The following CACNA2D3 variants were observed in gnomAD, a reference collection of about 807,000 sequenced individuals.
CACNA2D3 encodes calcium voltage-gated channel auxiliary subunit alpha2delta 3.
Under a neutral mutation model 160.6 loss-of-function variants are expected in CACNA2D3, and 60 were observed. The ratio of observed to expected loss-of-function variants is 0.37; its 90% CI spans 0.30 to 0.46. CACNA2D3 has a LOEUF of 0.46. CACNA2D3 is among the 20% of genes least tolerant of loss of function. CACNA2D3 has a pLI of 1.00. For missense variants in CACNA2D3, 1,205 were observed against 1,365.0 expected, an observed-to-expected ratio of 0.88 and a Z score of 1.85; for synonymous variants, 558 against 492.9, an observed-to-expected ratio of 1.13 and a Z score of -1.75.
At chr3:54,318,620 A>T (rs574840601) in intron 2 of CACNA2D3, among the ~76,000 whole-genome samples, 1 of 151,598 alleles carries the variant, frequency 6.6e-6, no homozygotes, top group Non-Finnish European at 1.5e-5. Context: ...CACTTCCCCT[A>T]TGCCAGTGAA....
chr3:54,608,463 T>C (rs901582269), intron 9 of CACNA2D3, among the ~76,000 whole-genome samples: 1 of 152,210 alleles, frequency 6.6e-6, no homozygotes, highest in African/African-American at 2.4e-5. Flanking sequence ...TTTTGCCCAT[T>C]TTATGGAGGA....
At chr3:54,972,598 G>A (rs575930860) in intron 29 of CACNA2D3, among the ~76,000 whole-genome samples, 39 of 152,172 alleles carry the variant, frequency 2.6e-4, no homozygotes, top group Middle Eastern at 6.8e-3. Context: ...CAACTCCCTC[G>A]GGCTTATCAG....
intron 13 of CACNA2D3, among the ~76,000 whole-genome samples, chr3:54,785,071 C>T (rs60023062): frequency 0.081 from 12,262 of 152,196 alleles, 647 homozygotes; most frequent in East Asian, 0.14. Context: ...TGCACAGCTG[C>T]AAACACCATC....
At chr3:54,331,104 A>T (rs1482152552) in intron 3 of CACNA2D3, among the ~76,000 whole-genome samples, 1 of 152,144 alleles carries the variant, frequency 6.6e-6, no homozygotes, top group East Asian at 1.9e-4. Context: ...ATCACATCAG[A>T]ATTGTAAACC....
chr3:54,498,314 A>T (rs1701236116), intron 4 of CACNA2D3, among the ~76,000 whole-genome samples: 1 of 151,794 alleles, frequency 6.6e-6, no homozygotes, highest in South Asian at 2.1e-4. Flanking sequence ...CCATTTTGAT[A>T]ATTTCTGTTT....
intron 4 of CACNA2D3, among the ~76,000 whole-genome samples, chr3:54,424,128 TCA>T (rs1699879293): frequency 6.6e-6 from 1 of 152,170 alleles, no homozygotes; most frequent in Non-Finnish European, 1.5e-5. Flanking sequence ...AGACAGGGTC[TCA>T]CTTTGTTGCC....
chr3:54,569,680 CT>C, intron 6 of CACNA2D3, 114 bp from the exon 7 acceptor site: 1 of 847,178 alleles, frequency 1.2e-6, no homozygotes. Flanking sequence ...TGGGGTTGGT[CT>C]TTGCATGTGA....
intron 32 of CACNA2D3, among the ~76,000 whole-genome samples, 173 bp from the exon 33 acceptor site, chr3:55,007,617 G>A (rs1412413388): frequency 1.3e-5 from 2 of 152,130 alleles, no homozygotes; most frequent in African/African-American, 4.8e-5. Flanking sequence ...TAAAATGTTT[G>A]TTTTAGGATA....
At chr3:55,033,598 A>G (rs1356270936) in intron 35 of CACNA2D3, among the ~76,000 whole-genome samples, 1 of 143,446 alleles carries the variant, frequency 7.0e-6, no homozygotes, top group Non-Finnish European at 1.5e-5. Flanking sequence ...ATATATATAT[A>G]TATATATATC....
At chr3:54,387,405 A>G (rs940490747) in intron 4 of CACNA2D3, among the ~76,000 whole-genome samples, 8 of 152,162 alleles carry the variant, frequency 5.3e-5, no homozygotes, top group Non-Finnish European at 1.0e-4. Flanking sequence ...TAATCCTAGC[A>G]CTTTGGGAGA....
At chr3:54,432,905 C>T (rs1452373714) in intron 4 of CACNA2D3, among the ~76,000 whole-genome samples, 2 of 151,848 alleles carry the variant, frequency 1.3e-5, no homozygotes, top group Non-Finnish European at 2.9e-5. Context: ...ATGACTGGGT[C>T]TTGGTTTGAT....
At chr3:54,440,660 T>C (rs917868476) in intron 4 of CACNA2D3, among the ~76,000 whole-genome samples, 1 of 152,060 alleles carries the variant, frequency 6.6e-6, no homozygotes, top group South Asian at 2.1e-4. Context: ...CAACAGGCCC[T>C]GGTGTGCGAT....
intron 17 of CACNA2D3, among the ~76,000 whole-genome samples, chr3:54,854,007 G>A (rs1038975121): frequency 3.9e-5 from 6 of 152,108 alleles, no homozygotes; most frequent in African/African-American, 1.4e-4. Flanking sequence ...AGTAGGTGGC[G>A]CGCGGGCACC....
At chr3:54,838,951 G>C (rs967862349) in intron 16 of CACNA2D3, among the ~76,000 whole-genome samples, 1 of 152,062 alleles carries the variant, frequency 6.6e-6, no homozygotes, top group Non-Finnish European at 1.5e-5. Flanking sequence ...AACATGACTG[G>C]TTTGCCTTTT....
At chr3:54,748,396 GT>G (rs1162771441) in intron 11 of CACNA2D3, among the ~76,000 whole-genome samples, 1 of 152,156 alleles carries the variant, frequency 6.6e-6, no homozygotes, top group Non-Finnish European at 1.5e-5. Context: ...ATCTGGATGA[GT>G]TTTTTGTTTG....
intron 4 of CACNA2D3, among the ~76,000 whole-genome samples, chr3:54,483,637 A>C (rs1456984680): frequency 5.3e-5 from 8 of 152,222 alleles, no homozygotes; most frequent in African/African-American, 1.9e-4. Context: ...TTAAAACAAC[A>C]ACCACAAAAA....
chr3:54,849,099 C>G (rs1052368464), intron 17 of CACNA2D3, among the ~76,000 whole-genome samples: 1 of 152,284 alleles, frequency 6.6e-6, no homozygotes, highest in Admixed American at 6.5e-5. Context: ...GGGAAGGGAT[C>G]GTGTACATAC....
intron 12 of CACNA2D3, among the ~76,000 whole-genome samples, chr3:54,759,523 G>T (rs1238184839): frequency 6.7e-6 from 1 of 149,990 alleles, no homozygotes; most frequent in Non-Finnish European, 1.5e-5. Flanking sequence ...ACTTTAATGA[G>T]TTGGAATCAA....
chr3:54,329,690 G>C (rs748066028), intron 3 of CACNA2D3, among the ~76,000 whole-genome samples: 38 of 152,290 alleles, frequency 2.5e-4, no homozygotes, highest in African/African-American at 7.9e-4. Context: ...AGGAAATTAT[G>C]ATGGGTGAAT....
Sources: allele counts gnomAD v4.1 joint callset (sites outside exome capture counted in the v4.1 genomes callset), GRCh38; gene constraint gnomAD v4.1.1; transcripts MANE v1.5; gene names NCBI Gene and HGNC (gene_info 2026-07-23, HGNC 2026-07-21).